Variants in DLG2 observed in about 807,000 individuals in gnomAD.
DLG2 encodes the protein disks large homolog 2.
DLG2 carries 45 observed loss-of-function variants against 132.5 expected under a neutral mutation model. That is an observed-to-expected ratio of 0.34 (90% CI 0.27 to 0.44). DLG2 has a LOEUF of 0.44. DLG2 is among the 20% of genes least tolerant of loss of function. DLG2 has a pLI of 1.00. For missense variants in DLG2, 1,045 were observed against 1,196.9 expected, an observed-to-expected ratio of 0.87 and a Z score of 1.87; for synonymous variants, 424 against 419.6, an observed-to-expected ratio of 1.01 and a Z score of -0.13.
intron 6 of DLG2, among the ~76,000 whole-genome samples, chr11:84,690,124 T>C (rs1332479530): frequency 3.3e-5 from 5 of 150,590 alleles, no homozygotes; most frequent in Admixed American, 6.6e-5. Context: ...GGGTTGGGGG[T>C]AGGGGGAAAA....
chr11:83,653,549 T>C (rs1375239716), intron 18 of DLG2, among the ~76,000 whole-genome samples: 5 of 152,246 alleles, frequency 3.3e-5, no homozygotes, highest in Non-Finnish European at 7.3e-5. Context: ...ACTGTCACTG[T>C]ACATGTCATA....
chr11:85,507,324 G>A (rs1319358338), intron 3 of DLG2, among the ~76,000 whole-genome samples: 1 of 152,140 alleles, frequency 6.6e-6, no homozygotes. Flanking sequence ...CTTACAATTT[G>A]GCATGTTTTT....
At chr11:83,530,395 C>T (rs973683715) in intron 21 of DLG2, among the ~76,000 whole-genome samples, 1 of 151,794 alleles carries the variant, frequency 6.6e-6, no homozygotes, top group Non-Finnish European at 1.5e-5. Flanking sequence ...CCTCAAAATC[C>T]CTGAGAAATT....
chr11:84,964,736 T>C (rs2053084395), intron 6 of DLG2, among the ~76,000 whole-genome samples: 2 of 152,150 alleles, frequency 1.3e-5, no homozygotes, highest in South Asian at 4.1e-4. Flanking sequence ...GTAAGCAAAA[T>C]TACACCTATT....
chr11:85,536,269 G>A (rs1322769976), intron 3 of DLG2, among the ~76,000 whole-genome samples: 1 of 146,748 alleles, frequency 6.8e-6, no homozygotes, highest in Non-Finnish European at 1.5e-5. Context: ...TACAGACAAT[G>A]TCAGGACTTA....
At chr11:83,814,461 G>C in intron 17 of DLG2, 1 of 212,974 alleles carries the variant, frequency 4.7e-6, no homozygotes, top group Non-Finnish European at 1.0e-5. Flanking sequence ...CAACTTTAAA[G>C]CTTGAGCTTC....
chr11:85,323,202 C>G lies in DLG2; in HGVS notation c.41-37837G>C, dbSNP rs80124736. On this transcript the variant is annotated intron_variant, in intron 3 of 27. Coordinates refer to ENST00000376104, the MANE Select transcript of DLG2 (RefSeq NM_001142699.3). Reference sequence around the variant, plus strand: ...CTTTGACCTAATATTAGTATTCTACCCTCTTCCAACCATTACTATCACTAA... The same window carrying G: ...CTTTGACCTAATATTAGTATTCTACGCTCTTCCAACCATTACTATCACTAA... Among the ~76,000 whole-genome samples the G allele has an allele frequency of 3.9e-3, 586 of 152,192 alleles. 14 individuals are homozygous for G. In the East Asian group the frequency reaches 0.07, roughly 18 times the overall value.
chr11:85,002,708 G>A (rs2058321792), intron 6 of DLG2, among the ~76,000 whole-genome samples: 1 of 151,940 alleles, frequency 6.6e-6, no homozygotes, highest in Non-Finnish European at 1.5e-5. Flanking sequence ...ACCTGCAGAG[G>A]TCCACTTACA....
chr11:85,552,613 T>C lies in DLG2; in HGVS notation c.40+46044A>G, dbSNP rs997168167. On this transcript the variant is annotated intron_variant, in intron 3 of 27. Transcript: ENST00000376104. Reference sequence around the variant, plus strand: ...AAAATAGTGACTTAAATAAAATAAATAGAACTTCTAAAAAGGCATTAACAT... The same window carrying C: ...AAAATAGTGACTTAAATAAAATAAACAGAACTTCTAAAAAGGCATTAACAT... Among the ~76,000 whole-genome samples the C allele has an allele frequency of 4.0e-5, 6 of 151,540 alleles. 1 individual carries two copies. The highest frequency in any genetic ancestry group is 2.6e-4 in the Admixed American group (4 of 15,176).
At chr11:84,086,324 G>A (rs773699115) in intron 10 of DLG2, among the ~76,000 whole-genome samples, 2 of 151,810 alleles carry the variant, frequency 1.3e-5, no homozygotes, top group Non-Finnish European at 2.9e-5. Context: ...AGAATGACAG[G>A]GCACTTTTAA....
chr11:84,267,782 G>A (rs2097661951), intron 7 of DLG2, among the ~76,000 whole-genome samples: 1 of 151,952 alleles, frequency 6.6e-6, no homozygotes, highest in African/African-American at 2.4e-5. Flanking sequence ...TTACATTTCT[G>A]CACAAACGTT....
chr11:84,397,694 T>C (rs1245148454), intron 7 of DLG2, among the ~76,000 whole-genome samples: 7 of 152,346 alleles, frequency 4.6e-5, no homozygotes, highest in East Asian at 3.9e-4. Context: ...TAAGTCTTTA[T>C]TGCACTGTCA....
chr11:84,720,630 A>AT (rs1376766280), intron 6 of DLG2, among the ~76,000 whole-genome samples: 1 of 152,092 alleles, frequency 6.6e-6, no homozygotes, highest in Non-Finnish European at 1.5e-5. Context: ...CCAAGAAAGA[A>AT]TTTTTCCCCC....
intron 4 of DLG2, among the ~76,000 whole-genome samples, chr11:85,216,795 C>A (rs2082636801): frequency 6.6e-6 from 1 of 152,066 alleles, no homozygotes; most frequent in South Asian, 2.1e-4. Flanking sequence ...CTCCCGGGTT[C>A]AAGCAATTCT....
At chr11:83,771,828 C>T (rs182950276) in intron 18 of DLG2, among the ~76,000 whole-genome samples, 53 of 152,136 alleles carry the variant, frequency 3.5e-4, no homozygotes, top group African/African-American at 1.1e-3. Flanking sequence ...GGTATTTACG[C>T]GTTGACTATT....
intron 16 of DLG2, among the ~76,000 whole-genome samples, chr11:83,852,032 C>T (rs1159584297): frequency 2.0e-5 from 3 of 152,046 alleles, no homozygotes; most frequent in Non-Finnish European, 4.4e-5. Flanking sequence ...AAGGAACACT[C>T]GAGGTTGCTG....
chr11:84,935,685 C>T (rs540630729), intron 6 of DLG2, among the ~76,000 whole-genome samples: 1 of 152,266 alleles, frequency 6.6e-6, no homozygotes, highest in South Asian at 2.1e-4. Context: ...AGATCAGCAA[C>T]AATGTTGATC....
chr11:85,316,737 C>A (rs1474787494), intron 3 of DLG2, among the ~76,000 whole-genome samples: 2 of 151,772 alleles, frequency 1.3e-5, no homozygotes, highest in Admixed American at 6.6e-5. Context: ...AGAAAATCTT[C>A]TTTGGCAGAA....
intron 5 of DLG2, among the ~76,000 whole-genome samples, chr11:85,128,525 T>C (rs1044624644): frequency 6.6e-6 from 1 of 152,182 alleles, no homozygotes. Flanking sequence ...CTTTATGTTA[T>C]TACATATGAT....
Sources: allele counts gnomAD v4.1 joint callset (sites outside exome capture counted in the v4.1 genomes callset), GRCh38; gene constraint gnomAD v4.1.1; transcripts MANE v1.5; gene names NCBI Gene and HGNC (gene_info 2026-07-23, HGNC 2026-07-21).